HERC1: variants seen among roughly 807,000 people sequenced by gnomAD.
HERC1 encodes HECT and RLD domain containing E3 ubiquitin protein ligase family member 1.
A neutral mutation model predicts 554.3 loss-of-function variants in HERC1; 160 were observed. The observed-to-expected ratio is 0.29, with a 90% CI of 0.25 to 0.33. The LOEUF (loss-of-function observed/expected upper bound fraction) is 0.33, where lower values mean the gene tolerates loss of function less well. Among genes scored for constraint, HERC1 ranks in the 10% least tolerant of loss-of-function variants. The probability of loss-of-function intolerance (pLI) is 1.00; values close to 1 mark genes in which losing one functional copy is unlikely to be tolerated. For missense variants in HERC1, 4,919 were observed against 5,918.5 expected, an observed-to-expected ratio of 0.83 and a Z score of 5.54; for synonymous variants, 2,175 against 2,131.7, an observed-to-expected ratio of 1.02 and a Z score of -0.56.
chr15:63,727,923 G>T lies in HERC1; in HGVS notation c.3155-85C>A. 9.2e-7 allele frequency: 1 copy of T among 1,086,864 alleles called. No individual in the cohort carries two copies. The highest frequency in any genetic ancestry group is 1.3e-6 in the Non-Finnish European group (1 of 743,224). 67.3% of individuals were successfully genotyped at this position (1,086,864 alleles called of 1,614,324 possible). On this transcript the variant is annotated intron_variant, in intron 16 of 77. Transcript: ENST00000443617. The surrounding 1 kb of genome is among the most constrained non-coding windows in gnomAD (Gnocchi z 4.3). Reference sequence around the variant, plus strand: ...AACCTAATAAATATTATTTTAGCTTGGAACTAGAGTAGACTCATTCAACAA... The same window carrying T: ...AACCTAATAAATATTATTTTAGCTTTGAACTAGAGTAGACTCATTCAACAA...
Position 63,747,751 on chromosome 15 carries a change from A to T in HERC1, c.2327T>A (p.Ile776Asn). ...TGATGAAGGGAAAGGGAGTGGGGGA[A>T]TCTCACTGTTTATTTTATCACAGTA... is the stretch of plus-strand genomic sequence containing the variant. ...ERYCDKINSE[I>N]PPLPFPSSRE... is the part of the protein sequence containing the mutation. Residue 776 changes from isoleucine (I) to asparagine (N), a missense_variant, in exon 11 of 78, where the codon ATT (isoleucine) becomes AAT (asparagine). Physicochemically the swap from Ile to Asn is moderately radical, Grantham distance 149 (BLOSUM62 -3). Coordinates refer to ENST00000443617, the MANE Select transcript of HERC1 (RefSeq NM_003922.4). 6.5e-7 allele frequency: 1 copy of T among 1,550,180 alleles called. No homozygotes were observed. The highest frequency in any genetic ancestry group is 8.7e-7 in the Non-Finnish European group (1 of 1,145,716).
chr15:63,815,918 G>A (rs987910733), intron 1 of HERC1, among the ~76,000 whole-genome samples: 18 of 152,178 alleles, frequency 1.2e-4, no homozygotes, highest in African/African-American at 3.9e-4. Flanking sequence ...CTAGCAAAAG[G>A]GGGGAAAGCC....
intron 7 of HERC1, among the ~76,000 whole-genome samples, chr15:63,754,171 C>T (rs1892298963): frequency 6.8e-6 from 1 of 147,736 alleles, no homozygotes; most frequent in African/African-American, 2.5e-5. Flanking sequence ...AAGACCCTAT[C>T]TCAAAAAAAA....
At chr15:63,782,683 CA>C (rs2076321641) in intron 1 of HERC1, among the ~76,000 whole-genome samples, 1 of 152,208 alleles carries the variant, frequency 6.6e-6, no homozygotes, top group East Asian at 1.9e-4. Context: ...CTATAGCTGC[CA>C]CAGATAGTGA....
chr15:63,650,627 A>G (rs1362987529), intron 53 of HERC1, among the ~76,000 whole-genome samples: 1 of 152,116 alleles, frequency 6.6e-6, no homozygotes, highest in East Asian at 1.9e-4. Context: ...TATAGAAGAG[A>G]GTGTAAAGAA....
chr15:63,742,233 T>C (rs1218672552), intron 12 of HERC1, among the ~76,000 whole-genome samples: 1 of 152,254 alleles, frequency 6.6e-6, no homozygotes, highest in East Asian at 1.9e-4. Context: ...AGTATCCTAT[T>C]CTTTTTGATG....
At position 63,612,394 on chromosome 15, in the gene HERC1, G is replaced by C; in HGVS notation, c.14257C>G (p.Leu4753Val). ...RYREVDEQHQ[L>V]VQWFWHTLEE... ...AGCGTGTGCCAGAACCACTGCACCA[G>C]CTGATGCTGCTCATCCACCTCACGG... Residue 4753 changes from leucine to valine, a missense_variant, in exon 77 of 78, where the codon CTG (leucine) becomes GTG (valine). Coordinates refer to ENST00000443617, the MANE Select transcript of HERC1 (RefSeq NM_003922.4). This position sits in a 1 kb window ranked among gnomAD's most constrained non-coding sequence, Gnocchi z 5.0. The C allele has an allele frequency of 9.3e-6, 15 of 1,614,008 alleles. No individual in the cohort carries two copies. Among genetic ancestry groups the C allele is most frequent in the Non-Finnish European group, 1.3e-5 (15 of 1,179,884 alleles).
intron 33 of HERC1, among the ~76,000 whole-genome samples, chr15:63,687,470 A>G (rs529935031): frequency 3.2e-4 from 49 of 152,092 alleles, no homozygotes; most frequent in African/African-American, 1.1e-3. Context: ...CCGGGGAGGC[A>G]GAGGTTGCAG....
intron 1 of HERC1, among the ~76,000 whole-genome samples, chr15:63,816,526 C>T (rs1297298860): frequency 6.6e-6 from 1 of 152,196 alleles, no homozygotes; most frequent in African/African-American, 2.4e-5. Context: ...CAACATTGTC[C>T]TCTTAAAAAG....
chr15:63,707,988 T>A (rs913501684), intron 24 of HERC1, among the ~76,000 whole-genome samples: 4 of 150,458 alleles, frequency 2.7e-5, no homozygotes, highest in Admixed American at 2.6e-4. Flanking sequence ...TTGGAAAATG[T>A]TATATAAAAT....
chr15:63,748,480 A>G (rs1390965200), intron 10 of HERC1, among the ~76,000 whole-genome samples: 6 of 152,118 alleles, frequency 3.9e-5, no homozygotes, highest in Non-Finnish European at 7.3e-5. Context: ...CAGAAAATAT[A>G]TATTTCATAT....
chr15:63,705,767 A>T (rs1462572601), intron 25 of HERC1, among the ~76,000 whole-genome samples: 1 of 152,172 alleles, frequency 6.6e-6, no homozygotes, highest in Non-Finnish European at 1.5e-5. Flanking sequence ...TGGCTCATGC[A>T]TACAATAATC....
Position 63,663,027 on chromosome 15 carries a change from A to G in HERC1, c.8858T>C (p.Ile2953Thr). The G allele has an allele frequency of 6.2e-7, 1 of 1,614,014 alleles. No individual in the cohort carries two copies. Among genetic ancestry groups the G allele is most frequent in the Non-Finnish European group, 8.5e-7 (1 of 1,179,876 alleles). Residue 2953 changes from isoleucine to threonine, a missense_variant, in exon 44 of 78, where the codon ATT becomes ACT. By Grantham distance (89) the Ile-to-Thr change is moderately conservative. Around this residue, in one of 11 missense-constraint regions of HERC1, gnomAD observed 1,963 missense variants for 2,228.6 expected, o/e 0.88. Coordinates refer to ENST00000443617, the MANE Select transcript of HERC1 (RefSeq NM_003922.4). Reference sequence around the variant, plus strand: ...TACCTCTGGGATCCACATTCCCAGAATATCATTGTCACTGGTCAGGTCTTG... The same window carrying G: ...TACCTCTGGGATCCACATTCCCAGAGTATCATTGTCACTGGTCAGGTCTTG... ...FGQDLTSDND[I>T]LGMWIPEVLD...
At chr15:63,619,110 C>T (rs968891817) in intron 74 of HERC1, among the ~76,000 whole-genome samples, 9 of 152,182 alleles carry the variant, frequency 5.9e-5, no homozygotes, top group African/African-American at 2.2e-4. Flanking sequence ...TTTGCCCATT[C>T]AGTATGATAT....
chr15:63,826,814 AATAT>A (rs1555454978), intron 1 of HERC1, among the ~76,000 whole-genome samples: 2,207 of 22,226 alleles, frequency 0.099, 212 homozygotes, highest in Non-Finnish European at 0.15. Context: ...AAAAAAAAAA[AATAT>A]ATATATATAT....
intron 12 of HERC1, among the ~76,000 whole-genome samples, chr15:63,736,602 A>G (rs2141164104): frequency 7.6e-6 from 1 of 132,422 alleles, no homozygotes; most frequent in Middle Eastern, 3.9e-3. Flanking sequence ...GTCTTTTAGC[A>G]TCACACTCTC....
At chr15:63,637,355 G>A in intron 64 of HERC1, 150 bp downstream of exon 64, 3 of 657,474 alleles carry the variant, frequency 4.6e-6, no homozygotes, top group Non-Finnish European at 7.8e-6. Flanking sequence ...GGAAATTAAG[G>A]CTGCACACAT....
chr15:63,824,302 G>A (rs1341644078), intron 1 of HERC1, among the ~76,000 whole-genome samples: 7 of 152,066 alleles, frequency 4.6e-5, no homozygotes, highest in African/African-American at 1.7e-4. Flanking sequence ...GGGAGGCCGA[G>A]GTGGGCAGAT....
At chr15:63,645,732 A>T (rs1310282179) in intron 55 of HERC1, 50 bp from the exon 56 acceptor site, 1 of 1,045,262 alleles carries the variant, frequency 9.6e-7, no homozygotes, top group Non-Finnish European at 1.4e-6. Flanking sequence ...TTCCTTCACA[A>T]ATACTTTAAA....
Sources: allele counts gnomAD v4.1 joint callset (sites outside exome capture counted in the v4.1 genomes callset), GRCh38; gene constraint gnomAD v4.1.1; regional missense constraint gnomAD v4.1.1; non-coding constraint Gnocchi (gnomAD v3.1); transcripts MANE v1.5; gene names NCBI Gene and HGNC (gene_info 2026-07-23, HGNC 2026-07-21).